PUS10: variants seen among roughly 807,000 people sequenced by gnomAD.
PUS10 encodes pseudouridine synthase 10, also known as tRNA pseudouridine synthase Pus10.
Under a neutral mutation model 75.0 loss-of-function variants are expected in PUS10, and 59 were observed. That is an observed-to-expected ratio of 0.79 (90% confidence interval 0.64 to 0.98). PUS10 has a LOEUF of 0.98. PUS10 is among the 50% of genes least tolerant of loss of function. The pLI, the probability that PUS10 is intolerant of heterozygous loss-of-function variation, is 0.00. For synonymous variants in PUS10, 219 were observed against 211.6 expected, an observed-to-expected ratio of 1.03 and a Z score of -0.30; for missense variants, 650 against 614.4, an observed-to-expected ratio of 1.06 and a Z score of -0.61.
intron 4 of PUS10, among the ~76,000 whole-genome samples, chr2:60,986,427 A>G (rs1056692948): frequency 6.6e-6 from 1 of 152,182 alleles, no homozygotes; most frequent in African/African-American, 2.4e-5. Context: ...TGCAACAGCT[A>G]AATTTTAGAG....
intron 4 of PUS10, among the ~76,000 whole-genome samples, chr2:60,974,211 CTTTTTTTT>C (rs35241132): frequency 8.3e-5 from 8 of 96,118 alleles, no homozygotes; most frequent in Middle Eastern, 5.4e-3. Context: ...GATAAAGCTC[CTTTTTTTT>C]TTTTTTTTTT....
At chr2:60,975,782 GAC>G (rs1018473509) in intron 4 of PUS10, among the ~76,000 whole-genome samples, 4 of 149,944 alleles carry the variant, frequency 2.7e-5, no homozygotes, top group African/African-American at 9.9e-5. Flanking sequence ...TTTATTTTGA[GAC>G]AGAGTCTCAC....
At chr2:60,994,059 G>A (rs1027528299) in intron 4 of PUS10, among the ~76,000 whole-genome samples, 1 of 152,022 alleles carries the variant, frequency 6.6e-6, no homozygotes, top group Non-Finnish European at 1.5e-5. Context: ...ACAGTGCTGG[G>A]ATTACAGGCG....
rs1454993242 is a variant in PUS10 at position 60,960,404 on chromosome 2, A to G, written c.988T>C (p.Phe330Leu). The change falls in exon 11 of 18, where the codon TTT becomes CTT. Residue 330 changes from phenylalanine to leucine, a missense_variant. Physicochemically the swap from Phe to Leu is conservative, Grantham distance 22 (BLOSUM62 0). Transcript: ENST00000316752. ...ELISDHLLAV[F>L]KAESFNFSSS... ...TCGTAACACTTACTCTCTGCTTTAAATACTGCCAACAGATGATCTGAAATT... is the reference window on the plus strand; with the variant it reads ...TCGTAACACTTACTCTCTGCTTTAAGTACTGCCAACAGATGATCTGAAATT... The G allele has an allele frequency of 6.4e-7, 1 of 1,552,348 alleles. No individual in the cohort carries two copies. Among genetic ancestry groups the G allele is most frequent in the Non-Finnish European group, 8.6e-7 (1 of 1,159,360 alleles).
chr2:60,952,564 T>C (rs1217347683), intron 15 of PUS10, among the ~76,000 whole-genome samples: 3 of 152,212 alleles, frequency 2.0e-5, no homozygotes, highest in African/African-American at 7.2e-5. Flanking sequence ...TTTATATTTA[T>C]TTTTGACAAA....
intron 4 of PUS10, 29 bp downstream of exon 4, chr2:61,006,526 CAT>C: frequency 6.9e-7 from 1 of 1,456,558 alleles, no homozygotes; most frequent in Non-Finnish European, 9.6e-7. Flanking sequence ...ATGCACTTCA[CAT>C]ACAGTTTTAT....
At chr2:61,009,111 G>A in intron 2 of PUS10, 96 bp from the exon 3 acceptor site, 1 of 1,087,352 alleles carries the variant, frequency 9.2e-7, no homozygotes, top group Non-Finnish European at 1.3e-6. Context: ...TGAAAATTAG[G>A]ACATATCACA....
At chr2:60,956,974 CAAAAAAAAAAAAAA>C (rs56804354) in intron 11 of PUS10, among the ~76,000 whole-genome samples, 491 of 19,268 alleles carry the variant, frequency 0.025, 7 homozygotes, top group South Asian at 0.039. Context: ...GACTCCATCT[CAAAAAAAAAAAAAA>C]AAAAAAAAAA....
intron 3 of PUS10, among the ~76,000 whole-genome samples, chr2:61,006,959 A>G (rs944157843): frequency 6.6e-5 from 10 of 152,232 alleles, no homozygotes; most frequent in African/African-American, 2.2e-4. Context: ...CTCTTGACAG[A>G]AAAAACAAAC....
At chr2:60,974,815 C>A (rs1404800112) in intron 4 of PUS10, among the ~76,000 whole-genome samples, 1 of 152,260 alleles carries the variant, frequency 6.6e-6, no homozygotes, top group Non-Finnish European at 1.5e-5. Context: ...CTCACTCACA[C>A]ACCTCTCGCT....
Position 60,971,865 on chromosome 2 carries a change from CTTTTTTTTTTT to C in PUS10, c.469-319_469-309del, listed in dbSNP as rs756222357. On this transcript the variant is annotated intron_variant, in intron 4 of 17. Coordinates refer to ENST00000316752, the MANE Select transcript of PUS10 (RefSeq NM_144709.4). ...GTGTTTCTTTTTCTTTCTTTCTTCTCTTTTTTTTTTTTTTTTTTTTTTTGAGACGGAGTCTC... is the reference window on the plus strand; with the variant it reads ...GTGTTTCTTTTTCTTTCTTTCTTCTCTTTTTTTTTTTTGAGACGGAGTCTC... Among the ~76,000 whole-genome samples the C allele has an allele frequency of 7.5e-3, 751 of 99,664 alleles. 3 individuals carry two copies. The highest frequency in any genetic ancestry group is 0.014 in the Middle Eastern group (2 of 142). 65.4% of individuals were successfully genotyped at this position (99,664 alleles called of 152,430 possible).
chr2:60,943,762 T>TTG (rs56232022), intron 17 of PUS10, among the ~76,000 whole-genome samples: 9,295 of 146,688 alleles, frequency 0.063, 690 homozygotes, highest in African/African-American at 0.18. Flanking sequence ...GATCACAATC[T>TTG]TGTGTGTGTG....
chr2:60,971,411 T>C (rs1192310934), intron 5 of PUS10, 112 bp downstream of exon 5: 3 of 933,836 alleles, frequency 3.2e-6, no homozygotes, highest in Middle Eastern at 2.2e-4. Flanking sequence ...CTAATTTCTC[T>C]AGTAGCTAGT....
intron 4 of PUS10, among the ~76,000 whole-genome samples, chr2:61,004,853 T>C (rs750955809): frequency 2.6e-5 from 4 of 152,148 alleles, no homozygotes; most frequent in Non-Finnish European, 4.4e-5. Context: ...TATGGAAACA[T>C]ATTAATTCTT....
chr2:60,948,815 T>C (rs551263952), intron 15 of PUS10, among the ~76,000 whole-genome samples: 1 of 152,316 alleles, frequency 6.6e-6, no homozygotes, highest in South Asian at 2.1e-4. Flanking sequence ...CGTTAGAGAT[T>C]TTCTTTTATG....
chr2:61,009,236 CAA>C (rs1679447151), intron 2 of PUS10, among the ~76,000 whole-genome samples: 1 of 152,056 alleles, frequency 6.6e-6, no homozygotes, highest in African/African-American at 2.4e-5. Flanking sequence ...AATACTTTTT[CAA>C]AAGAGTTCCA....
intron 4 of PUS10, among the ~76,000 whole-genome samples, chr2:60,975,619 A>C (rs1264554488): frequency 6.6e-6 from 1 of 150,818 alleles, no homozygotes; most frequent in Admixed American, 6.6e-5. Context: ...CTGTTATTAA[A>C]CTGTTTTATA....
intron 4 of PUS10, 46 bp downstream of exon 4, chr2:61,006,511 C>G (rs758501802): frequency 1.1e-5 from 14 of 1,315,778 alleles, no homozygotes. Flanking sequence ...TGAGAAATTC[C>G]TAGCATGCAC....
chr2:60,954,087 G>A lies in PUS10; in HGVS notation c.1129C>T (p.Gln377Ter), dbSNP rs920046801. ...HFTSQEIKELQQKINNSSNKI... is the reference protein window; with the variant it reads ...HFTSQEIKEL ...CATGGCATGAAGTGGTTTACCTGCT[G>A]AAGTTCCTTAATTTCTTGTGAAGTG... is the stretch of plus-strand genomic sequence containing the variant. Residue 377 changes from glutamine to a stop codon, truncating the protein, a stop_gained, in exon 13 of 18, where the codon CAG (glutamine) becomes TAG (stop). Coordinates refer to ENST00000316752, the MANE Select transcript of PUS10 (RefSeq NM_144709.4). LOFTEE classifies it high-confidence loss of function. 1.2e-5 allele frequency: 20 copies of A among 1,614,078 alleles called. No individual in the cohort carries two copies. The highest frequency in any genetic ancestry group is 1.7e-5 in the Non-Finnish European group (20 of 1,179,878).
Sources: gnomAD v4.1 joint callset for allele counts (sites outside exome capture counted in the v4.1 genomes callset) on GRCh38, gnomAD v4.1.1 for gene constraint, MANE v1.5 for transcripts, NCBI Gene and HGNC (gene_info 2026-07-23, HGNC 2026-07-21) for gene names.